Variants in KANK1 observed in about 807,000 individuals in gnomAD.
The protein encoded by KANK1 is KN motif and ankyrin repeat domain-containing protein 1.
In KANK1, 109 loss-of-function variants were observed where a neutral mutation model predicts 106.2. That is an observed-to-expected ratio of 1.03 (90% CI 0.88 to 1.20). KANK1 has a LOEUF of 1.20. Ranked by LOEUF, KANK1 falls within the 50% of genes most tolerant of loss-of-function variation. The probability of loss-of-function intolerance (pLI) is 0.00; values close to 1 mark genes in which losing one functional copy is unlikely to be tolerated. For missense variants in KANK1, 2,399 were observed against 1,710.7 expected, an observed-to-expected ratio of 1.40 and a Z score of -7.10; for synonymous variants, 873 against 652.2, an observed-to-expected ratio of 1.34 and a Z score of -5.16.
chr9:571,666 T>G (rs1819207311), intron 1 of KANK1, among the ~76,000 whole-genome samples: 1 of 152,212 alleles, frequency 6.6e-6, no homozygotes, highest in Admixed American at 6.5e-5. Flanking sequence ...AATTTACATT[T>G]AGAGACTTAA....
chr9:630,744 A>G (rs1835506083), intron 1 of KANK1, among the ~76,000 whole-genome samples: 1 of 150,422 alleles, frequency 6.6e-6, no homozygotes, highest in Non-Finnish European at 1.5e-5. Flanking sequence ...TCTACTAAAA[A>G]TACAAAAATT....
At chr9:569,283 C>A (rs772343783) in intron 1 of KANK1, among the ~76,000 whole-genome samples, 5 of 152,100 alleles carry the variant, frequency 3.3e-5, no homozygotes, top group Non-Finnish European at 7.4e-5. Context: ...GTTTGAATGT[C>A]CCATGTGAAT....
At chr9:613,815 C>T (rs1394567839) in intron 1 of KANK1, among the ~76,000 whole-genome samples, 4 of 152,144 alleles carry the variant, frequency 2.6e-5, no homozygotes, top group Non-Finnish European at 5.9e-5. Context: ...ACTGTATTCA[C>T]TAGATGGCAG....
intron 1 of KANK1, among the ~76,000 whole-genome samples, chr9:620,362 A>G (rs1024350434): frequency 2.6e-5 from 4 of 152,080 alleles, no homozygotes; most frequent in African/African-American, 9.7e-5. Flanking sequence ...ATAGTAAACA[A>G]CACGTAATTC....
At chr9:732,263 C>G in intron 5 of KANK1, 115 bp from the exon 6 acceptor site, 1 of 1,292,620 alleles carries the variant, frequency 7.7e-7, no homozygotes, top group South Asian at 1.4e-5. Context: ...AGTGCAGGAT[C>G]TAAAACCACT....
chr9:740,723 T>C (rs1268159329), intron 8 of KANK1, 69 bp from the exon 9 acceptor site: 4 of 1,532,412 alleles, frequency 2.6e-6, no homozygotes, highest in Non-Finnish European at 3.5e-6. Flanking sequence ...ATCCCTTCAG[T>C]GGCTTCGTAA....
At chr9:740,957 C>T (rs1835319651) in intron 9 of KANK1, 23 bp downstream of exon 9, 1 of 1,612,788 alleles carries the variant, frequency 6.2e-7, no homozygotes, top group African/African-American at 1.3e-5. Flanking sequence ...GGTTCCTGTG[C>T]TCAGGAATGC....
intron 1 of KANK1, among the ~76,000 whole-genome samples, chr9:639,414 T>C (rs1036469584): frequency 6.6e-6 from 1 of 152,104 alleles, no homozygotes; most frequent in Non-Finnish European, 1.5e-5. Flanking sequence ...CCTCCCTGGC[T>C]CAAGGGATTC....
chr9:740,420 A>G (rs992633882), intron 8 of KANK1, among the ~76,000 whole-genome samples: 2 of 152,214 alleles, frequency 1.3e-5, no homozygotes, highest in African/African-American at 2.4e-5. Context: ...TGAATAGCTC[A>G]CTACCTGCTT....
chr9:571,278 A>T (rs1819094734), intron 1 of KANK1, among the ~76,000 whole-genome samples: 1 of 152,166 alleles, frequency 6.6e-6, no homozygotes, highest in African/African-American at 2.4e-5. Flanking sequence ...TATAAACCAG[A>T]GGAAGCCTTT....
intron 1 of KANK1, among the ~76,000 whole-genome samples, chr9:641,717 C>G (rs1588499476): frequency 6.6e-6 from 1 of 152,172 alleles, no homozygotes; most frequent in East Asian, 1.9e-4. Flanking sequence ...CTTGCCATTT[C>G]TTGTAACACC....
chr9:537,014 C>T (rs1350408962), intron 1 of KANK1, among the ~76,000 whole-genome samples: 2 of 152,186 alleles, frequency 1.3e-5, no homozygotes, highest in Admixed American at 6.5e-5. Context: ...CTACCTCCTT[C>T]TCTCTTTTAG....
chr9:512,502 C>G (rs1253971787), intron 1 of KANK1, among the ~76,000 whole-genome samples: 2 of 152,056 alleles, frequency 1.3e-5, no homozygotes, highest in African/African-American at 4.8e-5. Context: ...CCCATAGTTA[C>G]CTGATTTAAA....
intron 1 of KANK1, among the ~76,000 whole-genome samples, chr9:564,261 C>G (rs947790580): frequency 1.3e-5 from 2 of 151,720 alleles, no homozygotes; most frequent in Non-Finnish European, 2.9e-5. Context: ...CGGGGTTTCA[C>G]TGTGTTAGCC....
chr9:473,882 T>G (rs2058061330), intron 3 of KANK1, among the ~76,000 whole-genome samples: 1 of 152,142 alleles, frequency 6.6e-6, no homozygotes, highest in Non-Finnish European at 1.5e-5. Context: ...GTATTTTTAG[T>G]AGAGACAGGG....
upstream of KANK1, among the ~76,000 whole-genome samples, chr9:502,642 C>T (rs779853168): frequency 6.6e-5 from 10 of 151,930 alleles, no homozygotes; most frequent in Non-Finnish European, 1.2e-4. Flanking sequence ...CCTGCCTCAG[C>T]CTCCCGAGTA....
intron 3 of KANK1, among the ~76,000 whole-genome samples, chr9:727,680 ATGTGTGTGTGTGTGTGTGTGTGTG>A (rs55997819): frequency 1.4e-5 from 2 of 139,660 alleles, no homozygotes; most frequent in Admixed American, 7.1e-5. Context: ...ATAACTTTTC[ATGTGTGTGTGTGTGTGTGTGTGTG>A]TGTGTGTGTG....
At chr9:705,026 C>A (rs575705928) in intron 2 of KANK1, among the ~76,000 whole-genome samples, 2 of 148,446 alleles carry the variant, frequency 1.3e-5, no homozygotes, top group South Asian at 2.1e-4. Context: ...AAGAGCAATA[C>A]CCACGTGTTG....
At chr9:538,586 A>C (rs1300467350) in intron 1 of KANK1, among the ~76,000 whole-genome samples, 1 of 152,186 alleles carries the variant, frequency 6.6e-6, no homozygotes, top group Non-Finnish European at 1.5e-5. Context: ...ATACCTGCAG[A>C]GGTTCCTTCA....
Sources: gnomAD v4.1 joint callset for allele counts (sites outside exome capture counted in the v4.1 genomes callset) on GRCh38, gnomAD v4.1.1 for gene constraint, MANE v1.5 for transcripts, NCBI Gene and HGNC (gene_info 2026-07-23, HGNC 2026-07-21) for gene names.